UGT2A2: variants seen among roughly 807,000 people sequenced by gnomAD.
UGT2A2 encodes the protein UDP glucuronosyltransferase family 2 member A2.
A neutral mutation model predicts 50.7 loss-of-function variants in UGT2A2; 60 were observed. The observed-to-expected ratio is 1.18, with a 90% CI of 0.96 to 1.47. UGT2A2 has a LOEUF of 1.47. Ranked by LOEUF, UGT2A2 falls within the 40% of genes most tolerant of loss-of-function variation. The pLI is 0.00. For synonymous variants in UGT2A2, 242 were observed against 214.6 expected (o/e 1.13, Z -1.11); for missense variants, 762 against 634.0 (o/e 1.20, Z -2.17).
intron 1 of UGT2A2, among the ~76,000 whole-genome samples, chr4:69,608,116 C>T (rs1441728716): frequency 3.3e-5 from 5 of 152,128 alleles, no homozygotes; most frequent in Non-Finnish European, 7.3e-5. Flanking sequence ...AAGACCCATG[C>T]ACACGTATGT....
At chr4:69,623,387 G>A (rs1442896020) in intron 1 of UGT2A2, among the ~76,000 whole-genome samples, 3 of 151,752 alleles carry the variant, frequency 2.0e-5, no homozygotes, top group East Asian at 1.9e-4. Context: ...GAATCATCTC[G>A]AAGTAACACC....
At chr4:69,599,792 A>AT (rs1344018240) in intron 1 of UGT2A2, 4 of 162,072 alleles carry the variant, frequency 2.5e-5, no homozygotes, top group East Asian at 1.8e-4. Context: ...AGGAGGGAGG[A>AT]TTTTTTGTTA....
At chr4:69,609,419 C>G (rs1379520502) in intron 1 of UGT2A2, among the ~76,000 whole-genome samples, 1 of 151,980 alleles carries the variant, frequency 6.6e-6, no homozygotes, top group Non-Finnish European at 1.5e-5. Flanking sequence ...TGGCTGGCCT[C>G]AAACTCCTGG....
intron 1 of UGT2A2, among the ~76,000 whole-genome samples, chr4:69,626,884 T>C (rs1019159535): frequency 6.6e-6 from 1 of 151,842 alleles, no homozygotes; most frequent in African/African-American, 2.4e-5. Flanking sequence ...AGTTCCTGTA[T>C]TCTTTTGAAA....
Position 69,589,405 on chromosome 4 carries a change from A to G in UGT2A2, c.1578T>C (p.Phe526=), listed in dbSNP as rs781566388. The change falls in exon 6 of 6, where the codon TTT becomes TTC. Residue 526 remains phenylalanine (F), a synonymous_variant. Coordinates refer to ENST00000604629, the MANE Select transcript of UGT2A2 (RefSeq NM_001105677.2). The part of the protein sequence containing the change: ...IQCCLFSCQK[F]GKIGKKKKRE ...TTTTTTTCTTCTTTCCTATCTTACCAAATTTTTGACAGGAAAACAAACAAC... is the reference window on the plus strand; with the variant it reads ...TTTTTTTCTTCTTTCCTATCTTACCGAATTTTTGACAGGAAAACAAACAAC... 1 of 1,613,458 alleles carries G rather than the reference A, an allele frequency of 6.2e-7. No individual in the cohort carries two copies. The highest frequency in any genetic ancestry group is 1.3e-5 in the African/African-American group (1 of 74,870).
chr4:69,630,755 C>T (rs1297606835), intron 1 of UGT2A2, among the ~76,000 whole-genome samples: 1 of 152,114 alleles, frequency 6.6e-6, no homozygotes, highest in Non-Finnish European at 1.5e-5. Flanking sequence ...AACTGGTATA[C>T]AGACCCTAAA....
chr4:69,608,530 G>A (rs535811616), intron 1 of UGT2A2, among the ~76,000 whole-genome samples: 1 of 151,548 alleles, frequency 6.6e-6, no homozygotes, highest in African/African-American at 2.4e-5. Flanking sequence ...TAACCTGCAC[G>A]TTGTGTACAT....
At chr4:69,631,668 C>T (rs1020034009) in intron 1 of UGT2A2, among the ~76,000 whole-genome samples, 4 of 152,126 alleles carry the variant, frequency 2.6e-5, no homozygotes, top group Non-Finnish European at 5.9e-5. Context: ...TGTACATGGG[C>T]ATTTCTGGGT....
In UGT2A2 at chr4:69,591,190, G is replaced by GT. The variant is rs547773450; in HGVS notation, c.1332-1540dup. Among the ~76,000 whole-genome samples, 250 of 152,240 alleles carry GT rather than the reference G, an allele frequency of 1.6e-3. 1 individual carries two copies. Among genetic ancestry groups the GT allele is most frequent in the Non-Finnish European group, 2.8e-3 (192 of 68,024 alleles). The stretch of plus-strand genomic sequence containing the variant: ...GATATTTATTTGTAGCAAAATATGA[G>GT]TGACCATGGCCCATGATAAAGCCCT... On this transcript the variant is annotated intron_variant, in intron 5 of 5. Coordinates refer to ENST00000604629, the MANE Select transcript of UGT2A2 (RefSeq NM_001105677.2).
intron 1 of UGT2A2, among the ~76,000 whole-genome samples, chr4:69,609,232 A>G (rs9993182): frequency 0.2 from 29,532 of 151,048 alleles, 3,519 homozygotes; most frequent in East Asian, 0.56. Context: ...AGCTCACTGC[A>G]GCCTTGACCT....
rs1182857622 is a variant in UGT2A2 at position 69,604,876 on chromosome 4, C to T, written c.743-5482G>A. On this transcript the variant is annotated intron_variant, in intron 1 of 5. Coordinates refer to ENST00000604629, the MANE Select transcript of UGT2A2 (RefSeq NM_001105677.2). ...AATTCAACAAGAAGAGCTAGCTGTC[C>T]TAAATATATATGCACCCAATACAGG... is the stretch of plus-strand genomic sequence containing the variant. Among the ~76,000 whole-genome samples the T allele has an allele frequency of 7.3e-5, 10 of 136,780 alleles. 1 individual carries two copies. The highest frequency in any genetic ancestry group is 4.3e-4 in the Admixed American group (6 of 13,964). The allele number at this position is 136,780 out of a possible 152,430, so 89.7% of individuals were successfully genotyped here.
At chr4:69,592,286 C>A (rs1410214008) in intron 5 of UGT2A2, among the ~76,000 whole-genome samples, 2 of 151,970 alleles carry the variant, frequency 1.3e-5, no homozygotes, top group East Asian at 3.9e-4. Context: ...ACAATTAAGT[C>A]CAATACAACA....
chr4:69,599,436 T>C (rs1041747987), intron 1 of UGT2A2, 42 bp from the exon 2 acceptor site: 3 of 1,599,708 alleles, frequency 1.9e-6, no homozygotes, highest in Admixed American at 1.8e-5. Flanking sequence ...AATTAGCTTA[T>C]ATGTTTGCTG....
intron 1 of UGT2A2, among the ~76,000 whole-genome samples, chr4:69,615,845 T>C (rs1179640189): frequency 6.7e-6 from 1 of 149,986 alleles, no homozygotes; most frequent in African/African-American, 2.4e-5. Context: ...TGGAGAAGAG[T>C]GTGGATATTT....
intron 1 of UGT2A2, among the ~76,000 whole-genome samples, chr4:69,636,639 A>G (rs1444017723): frequency 6.6e-6 from 1 of 152,188 alleles, no homozygotes; most frequent in African/African-American, 2.4e-5. Flanking sequence ...AGTACATACC[A>G]GAAACCATTT....
intron 1 of UGT2A2, among the ~76,000 whole-genome samples, chr4:69,600,354 G>A (rs1482843628): frequency 1.3e-5 from 2 of 152,196 alleles, no homozygotes; most frequent in African/African-American, 4.8e-5. Context: ...TATATCACAA[G>A]GGACCTTGCG....
At chr4:69,605,886 C>G (rs1029880654) in intron 1 of UGT2A2, among the ~76,000 whole-genome samples, 1 of 136,710 alleles carries the variant, frequency 7.3e-6, no homozygotes, top group Non-Finnish European at 1.6e-5. Flanking sequence ...GACATTGAAT[C>G]TCTGAATAGA....
chr4:69,626,660 C>A (rs1279143334), intron 1 of UGT2A2, among the ~76,000 whole-genome samples: 1 of 130,652 alleles, frequency 7.7e-6, no homozygotes, highest in African/African-American at 3.0e-5. Flanking sequence ...AAATAAAATA[C>A]AATGTTACTA....
chr4:69,591,457 A>G (rs568943403), intron 5 of UGT2A2, among the ~76,000 whole-genome samples: 1 of 152,296 alleles, frequency 6.6e-6, no homozygotes, highest in East Asian at 1.9e-4. Context: ...CTGGGTTAAG[A>G]TAAAGGATTG....
Sources: gnomAD v4.1 joint callset for allele counts (sites outside exome capture counted in the v4.1 genomes callset) on GRCh38, gnomAD v4.1.1 for gene constraint, MANE v1.5 for transcripts, NCBI Gene and HGNC (gene_info 2026-07-23, HGNC 2026-07-21) for gene names.